HDAC9: variants seen among roughly 807,000 people sequenced by gnomAD.
HDAC9 encodes the protein histone deacetylase 9.
HDAC9 carries 41 observed loss-of-function variants against 139.4 expected under a neutral mutation model. The ratio of observed to expected loss-of-function variants is 0.29; its 90% CI spans 0.23 to 0.38. The LOEUF is 0.38. HDAC9 is among the 10% of genes least tolerant of loss of function. The probability of loss-of-function intolerance (pLI) is 1.00; values close to 1 mark genes in which losing one functional copy is unlikely to be tolerated. For synonymous variants in HDAC9, 517 were observed against 476.2 expected (o/e 1.09, Z -1.12); for missense variants, 1,147 against 1,297.0 (o/e 0.88, Z 1.78).
intron 1 of HDAC9, among the ~76,000 whole-genome samples, chr7:18,363,692 GATTA>G (rs1283143899): frequency 1.3e-5 from 2 of 152,098 alleles, no homozygotes; most frequent in African/African-American, 4.8e-5. Context: ...GTGTTATAAG[GATTA>G]ATTAGAGAAA....
intron 1 of HDAC9, among the ~76,000 whole-genome samples, chr7:18,409,406 C>T (rs950018020): frequency 5.3e-5 from 8 of 151,240 alleles, no homozygotes; most frequent in African/African-American, 1.7e-4. Context: ...ATCTCATTAA[C>T]GATGGGCCTT....
intron 25 of HDAC9, among the ~76,000 whole-genome samples, chr7:18,987,113 G>C (rs1314556129): frequency 2.0e-5 from 3 of 152,218 alleles, no homozygotes; most frequent in Non-Finnish European, 2.9e-5. Context: ...TGTTGAAGAG[G>C]AGTGGTGAGA....
intron 2 of HDAC9, among the ~76,000 whole-genome samples, chr7:18,232,583 A>G (rs767013882): frequency 7.9e-5 from 12 of 152,260 alleles, no homozygotes; most frequent in East Asian, 5.8e-4. Flanking sequence ...CTAGGTTTCA[A>G]TGTCCCTAGA....
intron 1 of HDAC9, among the ~76,000 whole-genome samples, chr7:18,294,834 G>A (rs1252356248): frequency 6.6e-6 from 1 of 152,112 alleles, no homozygotes; most frequent in African/African-American, 2.4e-5. Context: ...AAAAATGATG[G>A]CCACTTGGAT....
At chr7:18,213,699 A>G (rs1025299153) in intron 2 of HDAC9, among the ~76,000 whole-genome samples, 1 of 152,098 alleles carries the variant, frequency 6.6e-6, no homozygotes, top group Non-Finnish European at 1.5e-5. Context: ...GATACAGCCT[A>G]CTTTTAGGAG....
chr7:18,683,353 C>CA (rs1369322358), intron 12 of HDAC9, among the ~76,000 whole-genome samples: 1 of 152,036 alleles, frequency 6.6e-6, no homozygotes, highest in Non-Finnish European at 1.5e-5. Flanking sequence ...ACAAAACCTG[C>CA]ACCAGTCTTG....
chr7:18,578,298 G>C (rs571739754), intron 2 of HDAC9: 63 of 505,428 alleles, frequency 1.2e-4, no homozygotes, highest in Non-Finnish European at 2.0e-4. Flanking sequence ...CCTGCTATTC[G>C]TAACGACCCC....
intron 2 of HDAC9, among the ~76,000 whole-genome samples, chr7:18,182,278 A>G (rs547762524): frequency 3.9e-5 from 6 of 152,206 alleles, no homozygotes; most frequent in Non-Finnish European, 8.8e-5. Flanking sequence ...GTTGATATAT[A>G]CTTTTTAAAA....
At chr7:18,742,227 T>C (rs1787524750) in intron 13 of HDAC9, among the ~76,000 whole-genome samples, 2 of 152,282 alleles carry the variant, frequency 1.3e-5, no homozygotes, top group Admixed American at 1.3e-4. Context: ...AAGGAAGATT[T>C]CATGGATGTT....
intron 22 of HDAC9, among the ~76,000 whole-genome samples, chr7:18,925,776 C>G (rs12539747): frequency 6.6e-6 from 1 of 151,638 alleles, no homozygotes; most frequent in Non-Finnish European, 1.5e-5. Flanking sequence ...CACCCTCACC[C>G]CCATCTTTGA....
intron 12 of HDAC9, among the ~76,000 whole-genome samples, chr7:18,708,395 C>G (rs902924431): frequency 1.3e-5 from 2 of 152,122 alleles, no homozygotes; most frequent in Non-Finnish European, 2.9e-5. Flanking sequence ...ATTTGTGTGT[C>G]CACATGGCTT....
intron 2 of HDAC9, among the ~76,000 whole-genome samples, chr7:18,551,448 C>T (rs1387125846): frequency 1.3e-5 from 2 of 152,010 alleles, no homozygotes; most frequent in Non-Finnish European, 2.9e-5. Context: ...GAACTAAACC[C>T]CGGGGAACCA....
intron 1 of HDAC9, among the ~76,000 whole-genome samples, chr7:18,150,690 C>T (rs1319781575): frequency 2.0e-5 from 3 of 152,198 alleles, no homozygotes; most frequent in Non-Finnish European, 2.9e-5. Context: ...CCACATCACT[C>T]TCTGTTCCAA....
chr7:18,812,744 AT>A (rs140946943), intron 17 of HDAC9, among the ~76,000 whole-genome samples: 2,723 of 151,874 alleles, frequency 0.018, 93 homozygotes, highest in African/African-American at 0.062. Flanking sequence ...TTTCTGCCCC[AT>A]TTTTTATGTC....
chr7:18,435,919 AAG>A (rs200036138), intron 1 of HDAC9, among the ~76,000 whole-genome samples: 2,037 of 148,372 alleles, frequency 0.014, 27 homozygotes, highest in Middle Eastern at 0.057. Context: ...ATAATATATA[AAG>A]AGAGAGAGAA....
chr7:18,163,461 C>G (rs1787795257), intron 2 of HDAC9, among the ~76,000 whole-genome samples: 1 of 152,170 alleles, frequency 6.6e-6, no homozygotes, highest in Non-Finnish European at 1.5e-5. Context: ...TTTGTTAAAA[C>G]AAGCCCTATT....
At chr7:18,951,247 T>C (rs1169084464) in intron 23 of HDAC9, among the ~76,000 whole-genome samples, 9 of 152,006 alleles carry the variant, frequency 5.9e-5, no homozygotes, top group Non-Finnish European at 1.5e-5. Context: ...AGAATGTATA[T>C]GGTATATGCA....
rs144657320 is a variant in HDAC9, at chr7:18,856,564, A to G, written c.2685-17914A>G. On this transcript the variant is annotated intron_variant, in intron 21 of 25. Coordinates refer to ENST00000686413, the MANE Select transcript of HDAC9 (RefSeq NM_178425.4). ...TTGGAGTGGGCAAAAAGAAGCCTAC[A>G]AATGCATTATAAACATTGCAAATGT... is the stretch of plus-strand genomic sequence containing the variant. 5.8e-4 allele frequency among the ~76,000 whole-genome samples: 89 copies of G among 152,268 alleles called. 1 individual carries two copies. The highest frequency in any genetic ancestry group is 3.8e-3 in the Admixed American group (58 of 15,280).
intron 1 of HDAC9, among the ~76,000 whole-genome samples, chr7:18,440,261 C>G (rs932529461): frequency 2.6e-5 from 4 of 151,260 alleles, no homozygotes; most frequent in Admixed American, 2.6e-4. Context: ...CTCGGCTCAC[C>G]GCAAACTCCG....
Sources: gnomAD v4.1 joint callset for allele counts (sites outside exome capture counted in the v4.1 genomes callset) on GRCh38, gnomAD v4.1.1 for gene constraint, MANE v1.5 for transcripts, NCBI Gene and HGNC (gene_info 2026-07-23, HGNC 2026-07-21) for gene names.